DNAH6: variants seen among roughly 807,000 people sequenced by gnomAD.
DNAH6 encodes the protein dynein axonemal heavy chain 6.
A neutral mutation model predicts 491.4 loss-of-function variants in DNAH6; 340 were observed. That is an observed-to-expected ratio of 0.69 (90% CI 0.63 to 0.76). The LOEUF (loss-of-function observed/expected upper bound fraction) is 0.76, where lower values mean the gene tolerates loss of function less well. DNAH6 is among the 30% of genes least tolerant of loss of function. The probability of loss-of-function intolerance (pLI) is 0.00; values close to 1 mark genes in which losing one functional copy is unlikely to be tolerated. For synonymous variants in DNAH6, 1,603 were observed against 1,686.1 expected (o/e 0.95, Z 1.21); for missense variants, 4,443 against 4,972.2 (o/e 0.89, Z 3.20).
At chr2:84,528,871 CA>C (rs1273181744) in intron 3 of DNAH6, 32 bp from the exon 4 acceptor site, 6 of 859,380 alleles carry the variant, frequency 7.0e-6, no homozygotes, top group African/African-American at 3.0e-5. Flanking sequence ...TGCAAAGACT[CA>C]TTTTTTTTTT....
At chr2:84,718,097 C>G (rs941242655) in intron 58 of DNAH6, 107 bp from the exon 59 acceptor site, 8 of 956,212 alleles carry the variant, frequency 8.4e-6, no homozygotes, top group Admixed American at 3.3e-5. Flanking sequence ...TAATGCTCAG[C>G]TGAATAGTAT....
At chr2:84,748,203 T>C (rs1450929988) in intron 63 of DNAH6, among the ~76,000 whole-genome samples, 4 of 149,932 alleles carry the variant, frequency 2.7e-5, no homozygotes, top group Non-Finnish European at 6.0e-5. Flanking sequence ...CTTAGAATCC[T>C]TTCCTGAAAA....
At chr2:84,478,788 G>A in the DNAH6 span, among the ~76,000 whole-genome samples, 1 of 152,166 alleles carries the variant, frequency 6.6e-6, no homozygotes, top group Non-Finnish European at 1.5e-5. Flanking sequence ...ATTGGGCCAA[G>A]ATGCTCAGAC....
intron 49 of DNAH6, among the ~76,000 whole-genome samples, chr2:84,701,875 C>T (rs141920194): frequency 4.5e-4 from 68 of 152,316 alleles, no homozygotes; most frequent in Non-Finnish European, 8.1e-4. Flanking sequence ...TCCATCATGA[C>T]ATGTGCCCCT....
rs1696833429 is a variant in DNAH6, at chr2:84,709,489, T to C, written c.9195T>C (p.Asn3065=). The C allele has an allele frequency of 6.4e-7, 1 of 1,551,004 alleles. No homozygotes were observed. ...GLPRDLISTE[N]GILVTQGRRW... Reference sequence around the variant, plus strand: ...CCCGTGACTTGATATCAACAGAAAATGGCATTTTGGTTACTCAAGGCAGAA... The same window carrying C: ...CCCGTGACTTGATATCAACAGAAAACGGCATTTTGGTTACTCAAGGCAGAA... Residue 3065 remains asparagine (N), a synonymous_variant, in exon 55 of 77, where the codon AAT becomes AAC. Transcript: ENST00000389394.
intron 22 of DNAH6, among the ~76,000 whole-genome samples, chr2:84,614,547 C>A (rs113575335): frequency 6.6e-6 from 1 of 151,992 alleles, no homozygotes; most frequent in Non-Finnish European, 1.5e-5. Flanking sequence ...GGGTAGATAC[C>A]CAGTAATGGG....
intron 68 of DNAH6, among the ~76,000 whole-genome samples, chr2:84,789,597 T>G (rs1677549548): frequency 6.6e-6 from 1 of 152,210 alleles, no homozygotes; most frequent in Admixed American, 6.5e-5. Context: ...TGGCAACAGT[T>G]TTTTGGAATG....
At chr2:84,575,530 T>G (rs947273748) in intron 12 of DNAH6, among the ~76,000 whole-genome samples, 1 of 152,214 alleles carries the variant, frequency 6.6e-6, no homozygotes, top group African/African-American at 2.4e-5. Context: ...ACCTCAGGAT[T>G]AAACAGCTAG....
intron 8 of DNAH6, among the ~76,000 whole-genome samples, chr2:84,549,218 T>G (rs575512609): frequency 6.6e-6 from 1 of 152,352 alleles, no homozygotes; most frequent in East Asian, 1.9e-4. Flanking sequence ...CTCACTGACT[T>G]AATCCAACTT....
At chr2:84,570,173 G>T (rs896847037) in intron 11 of DNAH6, among the ~76,000 whole-genome samples, 4 of 152,150 alleles carry the variant, frequency 2.6e-5, no homozygotes, top group Admixed American at 6.5e-5. Flanking sequence ...AAAAAAATAA[G>T]AACATGCCCA....
At chr2:84,460,484 A>T in the DNAH6 span, among the ~76,000 whole-genome samples, 379 of 152,340 alleles carry the variant, frequency 2.5e-3, no homozygotes, top group African/African-American at 8.6e-3. Context: ...TTGATAAGTT[A>T]TATGTTTAGT....
rs939660381 is a variant in DNAH6, at chr2:84,604,537, G to A, written c.3067G>A (p.Ala1023Thr). 6.4e-7 allele frequency: 1 copy of A among 1,551,012 alleles called. No homozygotes were observed. Among genetic ancestry groups the A allele is most frequent in the Non-Finnish European group, 8.7e-7 (1 of 1,146,700 alleles). ...GQASGEAALEAILKKVEDSWK... is the reference protein window; with the variant it reads ...GQASGEAALETILKKVEDSWK... ...GGCTTCTGGAGAAGCTGCCTTAGAA[G>A]CAATTCTTAAAAAGGTAAATCTGGA... Residue 1023 changes from alanine to threonine, a missense_variant, in exon 19 of 77, where the codon GCA becomes ACA. By Grantham distance (58) the Ala-to-Thr change is moderately conservative. Coordinates refer to ENST00000389394, the MANE Select transcript of DNAH6 (RefSeq NM_001370.2).
intron 33 of DNAH6, 145 bp downstream of exon 33, chr2:84,642,199 C>T (rs1046538319): frequency 2.1e-5 from 13 of 633,744 alleles, no homozygotes; most frequent in African/African-American, 5.6e-5. Context: ...AAGAAATACT[C>T]ATTTAAAATG....
chr2:84,766,516 A>C (rs149131013), intron 64 of DNAH6, among the ~76,000 whole-genome samples: 1 of 152,354 alleles, frequency 6.6e-6, no homozygotes, highest in East Asian at 1.9e-4. Flanking sequence ...AGGATGTAGT[A>C]ATGTGGCACT....
At chr2:84,715,736 C>T in intron 58 of DNAH6, 109 bp downstream of exon 58, 3 of 1,017,094 alleles carry the variant, frequency 2.9e-6, no homozygotes, top group Non-Finnish European at 4.3e-6. Context: ...GAGCACTACA[C>T]ATGAACCCTT....
chr2:84,511,068 G>T, the DNAH6 span, among the ~76,000 whole-genome samples: 1 of 152,192 alleles, frequency 6.6e-6, no homozygotes, highest in African/African-American at 2.4e-5. Flanking sequence ...ATCGCCAGCT[G>T]TGTGCTGGGA....
chr2:84,818,868 G>T (rs1339962081), intron 76 of DNAH6, among the ~76,000 whole-genome samples: 1 of 152,142 alleles, frequency 6.6e-6, no homozygotes, highest in Non-Finnish European at 1.5e-5. Context: ...GAGGCCAAGA[G>T]TTTGAGACCA....
At chr2:84,729,881 T>G (rs1422422252) in intron 61 of DNAH6, among the ~76,000 whole-genome samples, 1 of 152,196 alleles carries the variant, frequency 6.6e-6, no homozygotes, top group Non-Finnish European at 1.5e-5. Context: ...GCTACATTCA[T>G]TATGATCTAA....
chr2:84,594,172 A>G (rs1184059283), intron 17 of DNAH6, 87 bp downstream of exon 17: 4 of 630,660 alleles, frequency 6.3e-6, no homozygotes, highest in African/African-American at 4.5e-5. Context: ...ACTTTTAACA[A>G]TCTGGTGCTT....
Sources: allele counts gnomAD v4.1 joint callset (sites outside exome capture counted in the v4.1 genomes callset), GRCh38; gene constraint gnomAD v4.1.1; transcripts MANE v1.5; gene names NCBI Gene and HGNC (gene_info 2026-07-23, HGNC 2026-07-21).